NRBP1: variants seen among roughly 807,000 people sequenced by gnomAD.
NRBP1 encodes nuclear receptor-binding protein.
Under a neutral mutation model 76.0 loss-of-function variants are expected in NRBP1, and 10 were observed. The observed-to-expected ratio is 0.13, with a 90% CI of 0.08 to 0.22. The LOEUF is 0.22. Among genes scored for constraint, NRBP1 ranks in the 10% least tolerant of loss-of-function variants. NRBP1 has a pLI of 1.00. For missense variants in NRBP1, 344 were observed against 646.0 expected (o/e 0.53, Z 5.07); for synonymous variants, 235 against 240.2 (o/e 0.98, Z 0.20).
Position 27,434,753 on chromosome 2 carries a change from C to G in NRBP1, c.557C>G (p.Ser186Cys). The change falls in exon 6 of 18, where the codon TCT becomes TGT. Residue 186 changes from serine (S) to cysteine (C), a missense_variant. Ser to Cys is a moderately radical substitution (Grantham distance 112). Around this residue, in one of 3 missense-constraint regions of NRBP1, gnomAD observed 73 missense variants for 287.8 expected, o/e 0.25. Transcript: ENST00000379852. The part of the protein sequence containing the change: ...AWKRWCTQIL[S>C]ALSYLHSCDP... ...AAGCGTTGGTGCACACAAATCCTCT[C>G]TGCCCTAAGGTAAGTAGTACCTGGT... 1 of 1,614,210 alleles carries G rather than the reference C, an allele frequency of 6.2e-7. No individual in the cohort carries two copies. Among genetic ancestry groups the G allele is most frequent in the Non-Finnish European group, 8.5e-7 (1 of 1,180,026 alleles).
intron 12 of NRBP1, 30 bp from the exon 13 acceptor site, chr2:27,440,622 C>T (rs1664502940): frequency 1.2e-6 from 2 of 1,613,706 alleles, no homozygotes; most frequent in Non-Finnish European, 1.7e-6. Flanking sequence ...TGTTTCTTTC[C>T]TTCCATCTCC....
In NRBP1 at chr2:27,441,733, T is replaced by G; in HGVS notation, c.1529T>G (p.Leu510Arg). ...SEADQSRLTS[L>R]LEETLNKFNF... ...GCTGACCAGAGCCGGTTGACTTCTC[T>G]GCTAGAAGAGACCTTGAACAAGTTC... Residue 510 changes from leucine to arginine, a missense_variant, in exon 18 of 18, where the codon CTG becomes CGG. Transcript: ENST00000379852. 6.2e-7 allele frequency: 1 copy of G among 1,614,012 alleles called. No homozygotes were observed. Among genetic ancestry groups the G allele is most frequent in the Non-Finnish European group, 8.5e-7 (1 of 1,179,884 alleles).
At chr2:27,430,469 C>T (rs780101) in intron 1 of NRBP1, among the ~76,000 whole-genome samples, 64,871 of 138,418 alleles carry the variant, frequency 0.47, 16,446 homozygotes, top group African/African-American at 0.67. Context: ...TTCTTTTTTT[C>T]TTTTTTTTTT....
In NRBP1 at chr2:27,441,273, C is replaced by G. The variant is rs1308187702; in HGVS notation, c.1390C>G (p.Leu464Val). Residue 464 changes from leucine (L) to valine (V), a missense_variant, in exon 16 of 18, where the codon CTT (leucine) becomes GTT (valine). Leu to Val is a conservative substitution (Grantham distance 32). This residue lies in a region of NRBP1 where 218 missense variants were observed against 309.8 expected (regional missense o/e 0.70). Coordinates refer to ENST00000379852, the MANE Select transcript of NRBP1 (RefSeq NM_013392.4). Reference sequence around the variant, plus strand: ...TGACTGTCCTATTCTCCAGCTGACACTTCTGCTGAAGTTGGAGGACAAACT... The same window carrying G: ...TGACTGTCCTATTCTCCAGCTGACAGTTCTGCTGAAGTTGGAGGACAAACT... Reference protein sequence around the residue: ...VEEGVKHHLTLLLKLEDKLNR... With the variant: ...VEEGVKHHLTVLLKLEDKLNR... The G allele has an allele frequency of 6.2e-7, 1 of 1,614,082 alleles. No homozygotes were observed. Among genetic ancestry groups the G allele is most frequent in the Non-Finnish European group, 8.5e-7 (1 of 1,179,986 alleles).
chr2:27,432,351 C>T (rs1368600542), intron 1 of NRBP1, among the ~76,000 whole-genome samples: 1 of 152,104 alleles, frequency 6.6e-6, no homozygotes, highest in Admixed American at 6.6e-5. Flanking sequence ...AGATAGCTCC[C>T]CTTTTCTAGA....
Position 27,435,146 on chromosome 2 carries a change from T to C in NRBP1, c.580T>C (p.Cys194Arg), listed in dbSNP as rs1235759007. ...ILSALSYLHS[C>R]DPPIIHGNLT... Reference sequence around the variant, plus strand: ...GTGCCCCCACAGCTACCTGCACTCCTGTGACCCCCCCATCATCCATGGGAA... The same window carrying C: ...GTGCCCCCACAGCTACCTGCACTCCCGTGACCCCCCCATCATCCATGGGAA... The change falls in exon 7 of 18, where the codon TGT (cysteine) becomes CGT (arginine). Residue 194 changes from cysteine (C) to arginine (R), a missense_variant. Cys to Arg is a radical substitution (Grantham distance 180). Around this residue, in one of 3 missense-constraint regions of NRBP1, gnomAD observed 73 missense variants for 287.8 expected, o/e 0.25. Coordinates refer to ENST00000379852, the MANE Select transcript of NRBP1 (RefSeq NM_013392.4). The C allele has an allele frequency of 1.2e-6, 2 of 1,613,862 alleles. No homozygotes were observed. The highest frequency in any genetic ancestry group is 1.7e-6 in the Non-Finnish European group (2 of 1,179,940).
At chr2:27,428,114 C>T (rs551734476), upstream of NRBP1, 7 of 152,328 alleles carry the variant, frequency 4.6e-5, no homozygotes, top group Admixed American at 3.9e-4. Flanking sequence ...TCTGTGAAAA[C>T]CTCTTACAAA....
In NRBP1 at chr2:27,430,808, A is replaced by G. The variant is rs567104619; in HGVS notation, c.-21+2077A>G. The stretch of plus-strand genomic sequence containing the variant: ...GAGAACTCTCTTGAGCTGAGCACAC[A>G]CAGGTTCCAACTCCTTCACAGTCTT... On this transcript the variant is annotated intron_variant, in intron 1 of 17. Coordinates refer to ENST00000379852, the MANE Select transcript of NRBP1 (RefSeq NM_013392.4). 7.6e-4 allele frequency among the ~76,000 whole-genome samples: 116 copies of G among 152,262 alleles called. No individual in the cohort carries two copies. The South Asian group carries it at 0.017, about 22-fold the overall frequency.
At chr2:27,434,869 T>C (rs1440095623) in intron 6 of NRBP1, 107 bp downstream of exon 6, 5 of 1,176,172 alleles carry the variant, frequency 4.3e-6, no homozygotes, top group Non-Finnish European at 6.4e-6. Flanking sequence ...CCCACTTTCT[T>C]TGAATCATAT....
chr2:27,436,141 CTA>C (rs1402330911), intron 7 of NRBP1: 1 of 306,366 alleles, frequency 3.3e-6, no homozygotes, highest in Non-Finnish European at 6.2e-6. Context: ...GAACAGGAGT[CTA>C]AAATGTTTTG....
rs1175151167 is a variant in NRBP1 at position 27,441,896 on chromosome 2, A to T, written c.*84A>T. The T allele has an allele frequency of 1.2e-6, 1 of 809,858 alleles. No individual in the cohort carries two copies. Among genetic ancestry groups the T allele is most frequent in the Non-Finnish European group, 2.1e-6 (1 of 484,728 alleles). 50.2% of individuals were successfully genotyped at this position (809,858 alleles called of 1,614,324 possible). On this transcript the variant is annotated 3_prime_UTR_variant, in exon 18 of 18. Coordinates refer to ENST00000379852, the MANE Select transcript of NRBP1 (RefSeq NM_013392.4). ...CTCCTGTCCCTTCCCCCCAGTCAGT[A>T]TTACCCTGTGAAGCCCCTTCCCTCC... is the stretch of plus-strand genomic sequence containing the variant.
intron 11 of NRBP1, 116 bp from the exon 12 acceptor site, chr2:27,440,287 G>A (rs1664484689): frequency 1.3e-6 from 1 of 750,638 alleles, no homozygotes; most frequent in Non-Finnish European, 2.3e-6. Context: ...GGGATTACAG[G>A]CATGAGCCAC....
At chr2:27,441,463 C>CA in intron 16 of NRBP1, 104 bp from the exon 17 acceptor site, 1 of 1,450,432 alleles carries the variant, frequency 6.9e-7, no homozygotes, top group Admixed American at 1.7e-5. Context: ...GACCCTAAAG[C>CA]AGTGGGTGGA....
intron 11 of NRBP1, 147 bp downstream of exon 11, chr2:27,440,045 ACTCT>A (rs1387979314): frequency 1.4e-6 from 1 of 716,726 alleles, no homozygotes; most frequent in Non-Finnish European, 2.0e-6. Context: ...ACAGAGTCTC[ACTCT>A]CTCTCAGGCT....
At chr2:27,432,022 T>A (rs1351450540) in intron 1 of NRBP1, 1 of 152,248 alleles carries the variant, frequency 6.6e-6, no homozygotes, top group African/African-American at 2.4e-5. Flanking sequence ...CTAATTTTTT[T>A]ATTTTTAGTA....
At chr2:27,438,211 G>A (rs979133475) in intron 10 of NRBP1, among the ~76,000 whole-genome samples, 1 of 148,476 alleles carries the variant, frequency 6.7e-6, no homozygotes, top group Non-Finnish European at 1.5e-5. Context: ...ATTTGAATGT[G>A]TCTACATGGA....
Position 27,436,763 on chromosome 2 carries a change from C to T in NRBP1, c.672C>T (p.Asp224=). 1 of 1,613,780 alleles carries T rather than the reference C, an allele frequency of 6.2e-7. No individual in the cohort carries two copies. Residue 224 remains aspartate, a synonymous_variant, in exon 8 of 18, where the codon GAC becomes GAT. Coordinates refer to ENST00000379852, the MANE Select transcript of NRBP1 (RefSeq NM_013392.4). ...CTCCCCTACTCCCAGTGGCTCCTGACACTATCAACAATCATGTGAAGACTT... is the reference window on the plus strand; with the variant it reads ...CTCCCCTACTCCCAGTGGCTCCTGATACTATCAACAATCATGTGAAGACTT... ...GLIKIGSVAP[D]TINNHVKTCR...
At chr2:27,433,648 C>A in intron 2 of NRBP1, 25 bp from the exon 3 acceptor site, 2 of 1,613,804 alleles carry the variant, frequency 1.2e-6, no homozygotes, top group Non-Finnish European at 1.7e-6. Flanking sequence ...AAGTTTAATT[C>A]TCTTTCATAT....
intron 7 of NRBP1, chr2:27,435,978 C>A (rs1572690471): frequency 1.7e-6 from 1 of 598,392 alleles, no homozygotes; most frequent in East Asian, 2.8e-5. Flanking sequence ...TTCATGTTCT[C>A]CCTCATCATC....
Sources: allele counts gnomAD v4.1 joint callset (sites outside exome capture counted in the v4.1 genomes callset), GRCh38; gene constraint gnomAD v4.1.1; regional missense constraint gnomAD v4.1.1; transcripts MANE v1.5; gene names NCBI Gene and HGNC (gene_info 2026-07-23, HGNC 2026-07-21).